Variants in TMCC2 observed in about 807,000 individuals in gnomAD.
TMCC2 encodes transmembrane and coiled-coil domains protein 2.
Under a neutral mutation model 49.4 loss-of-function variants are expected in TMCC2, and 16 were observed. That is an observed-to-expected ratio of 0.32 (90% CI 0.22 to 0.49). The LOEUF is 0.49. TMCC2 is among the 20% of genes least tolerant of loss of function. TMCC2 has a pLI of 0.99. For missense variants in TMCC2, 762 were observed against 989.8 expected, an observed-to-expected ratio of 0.77 and a Z score of 3.09; for synonymous variants, 397 against 434.1, an observed-to-expected ratio of 0.91 and a Z score of 1.06.
In TMCC2 at chr1:205,264,735, G is replaced by T. The variant is rs1212521421; in HGVS notation, c.748-4215G>T. Among the ~76,000 whole-genome samples, 1 of 152,006 alleles carries T rather than the reference G, an allele frequency of 6.6e-6. No individual in the cohort carries two copies. The highest frequency in any genetic ancestry group is 6.6e-5 in the Admixed American group (1 of 15,242). ...TCCAACTCCTAACCTCAGGTGATCC[G>T]CCCGCCTTGGCCTCCCAAAGTGCTG... is the stretch of plus-strand genomic sequence containing the variant. On this transcript the variant is annotated intron_variant, in intron 2 of 4. Transcript: ENST00000358024. This position sits in a 1 kb window ranked among gnomAD's most constrained non-coding sequence, Gnocchi z 4.2.
At position 205,241,499 on chromosome 1, in the gene TMCC2, C is replaced by G. The variant is rs764286771; in HGVS notation, c.208-6C>G. 15 of 1,613,136 alleles carry G rather than the reference C, an allele frequency of 9.3e-6. No individual in the cohort carries two copies. Among genetic ancestry groups the G allele is most frequent in the Non-Finnish European group, 1.3e-5 (15 of 1,179,740 alleles). ...TCACCAGGGTTCTTCATCTCTCCCC[C>G]TTAAGAAAATCCAGCAGCTGTCAGA... On this transcript the variant is annotated splice_region_variant and splice_polypyrimidine_tract_variant and intron_variant, in intron 1 of 4. Coordinates refer to ENST00000358024, the MANE Select transcript of TMCC2 (RefSeq NM_014858.4). This position sits in a 1 kb window ranked among gnomAD's most constrained non-coding sequence, Gnocchi z 7.3.
rs1660289139 is a variant in TMCC2 at position 205,241,998 on chromosome 1, G to A, written c.701G>A (p.Ser234Asn). The change falls in exon 2 of 5, where the codon AGC (serine) becomes AAC (asparagine). Residue 234 changes from serine to asparagine, a missense_variant. Ser to Asn is a conservative substitution (Grantham distance 46). Transcript: ENST00000358024. This position sits in a 1 kb window ranked among gnomAD's most constrained non-coding sequence, Gnocchi z 7.3. ...ACTGCTCTGCTGCTGGCCGACGGCA[G>A]CAACGTGTACCTCCTGGCTGAGGAG... Reference protein sequence around the residue: ...TDTALLLADGSNVYLLAEEAE... With the variant: ...TDTALLLADGNNVYLLAEEAE... 1 of 1,608,358 alleles carries A rather than the reference G, an allele frequency of 6.2e-7. No homozygotes were observed. The highest frequency in any genetic ancestry group is 1.7e-5 in the Admixed American group (1 of 59,704).
At chr1:205,244,155 G>A (rs1280424725) in intron 2 of TMCC2, among the ~76,000 whole-genome samples, 1 of 152,202 alleles carries the variant, frequency 6.6e-6, no homozygotes, top group Non-Finnish European at 1.5e-5. Context: ...AGGCAGGTGT[G>A]TAGCTTGGCT....
At chr1:205,247,267 A>G (rs1163802324) in intron 2 of TMCC2, among the ~76,000 whole-genome samples, 1 of 152,118 alleles carries the variant, frequency 6.6e-6, no homozygotes, top group Non-Finnish European at 1.5e-5. Flanking sequence ...CTGCTTGCCT[A>G]TGGCACCCAG....
intron 2 of TMCC2, among the ~76,000 whole-genome samples, chr1:205,247,844 G>A (rs370647985): frequency 1.4e-5 from 2 of 145,286 alleles, no homozygotes; most frequent in East Asian, 2.2e-4. Flanking sequence ...CAGCCCTGGC[G>A]GGGTTGAGTT....
chr1:205,229,545 CGGGGG>C, intron 1 of TMCC2: 6 of 298,348 alleles, frequency 2.0e-5, no homozygotes, highest in Non-Finnish European at 2.2e-5. Context: ...TGTGAAGGGG[CGGGGG>C]GGGGGGGGTG....
intron 2 of TMCC2, among the ~76,000 whole-genome samples, chr1:205,267,509 T>C (rs1179027066): frequency 1.3e-5 from 2 of 152,046 alleles, no homozygotes; most frequent in Non-Finnish European, 2.9e-5. Flanking sequence ...TAAAAATACA[T>C]GGGGTTGAGC....
At chr1:205,244,705 G>A (rs533127780) in intron 2 of TMCC2, among the ~76,000 whole-genome samples, 2 of 152,296 alleles carry the variant, frequency 1.3e-5, no homozygotes, top group Admixed American at 1.3e-4. Flanking sequence ...TGCTGGGAGG[G>A]CATGTAAGGG....
At chr1:205,258,639 T>C (rs1041533107) in intron 2 of TMCC2, among the ~76,000 whole-genome samples, 11 of 152,200 alleles carry the variant, frequency 7.2e-5, no homozygotes, top group African/African-American at 2.7e-4. Flanking sequence ...ACCGGGCTAT[T>C]CCTGCTGAGT....
chr1:205,269,585 G>A lies in TMCC2; in HGVS notation c.1383G>A (p.Leu461=), dbSNP rs554528515. 6 of 1,613,840 alleles carry A rather than the reference G, an allele frequency of 3.7e-6. No homozygotes were observed. The South Asian group carries it at 6.6e-5, about 18-fold the overall frequency. The change falls in exon 3 of 5, where the codon CTG becomes CTA. Residue 461 remains leucine, a synonymous_variant. Transcript: ENST00000358024. The part of the protein sequence containing the change: ...DGPPEEAARA[L]SGSATLVSSP... ...CCCCTGAGGAGGCAGCCCGGGCACTGAGCGGCAGTGCCACACTCGTCTCCA... is the reference window on the plus strand; with the variant it reads ...CCCCTGAGGAGGCAGCCCGGGCACTAAGCGGCAGTGCCACACTCGTCTCCA...
chr1:205,270,803 C>T (rs1327314225), intron 3 of TMCC2, among the ~76,000 whole-genome samples: 2 of 152,164 alleles, frequency 1.3e-5, no homozygotes, highest in Non-Finnish European at 2.9e-5. Flanking sequence ...CTGCGTGATC[C>T]TAGGCAGGCT....
chr1:205,228,338 C>T lies in TMCC2; in HGVS notation c.-227C>T, dbSNP rs1659653337. 1.1e-5 allele frequency: 5 copies of T among 455,982 alleles called. No homozygotes were observed. The East Asian group carries it at 1.7e-4, about 15-fold the overall frequency. The allele number at this position is 455,982 out of a possible 1,614,324, so 28.2% of individuals were successfully genotyped here. A position where few individuals can be genotyped will look rare whatever the true frequency, so the allele number is the denominator to read the frequency against. Reference sequence around the variant, plus strand: ...CTCGACTGTGACCTGTCTTCGCTCCCCAGGTCGAAATGAACTATTCCAAGC... The same window carrying T: ...CTCGACTGTGACCTGTCTTCGCTCCTCAGGTCGAAATGAACTATTCCAAGC... On this transcript the variant is annotated 5_prime_UTR_variant, in exon 1 of 5. Transcript: ENST00000358024.
chr1:205,243,190 T>G (rs1285350665), intron 2 of TMCC2, among the ~76,000 whole-genome samples: 3 of 152,104 alleles, frequency 2.0e-5, no homozygotes, highest in Admixed American at 6.5e-5. Context: ...TCAAGATCAC[T>G]CTGGCCTACA....
intron 2 of TMCC2, among the ~76,000 whole-genome samples, chr1:205,265,252 T>C (rs1661276593): frequency 6.6e-6 from 1 of 151,882 alleles, no homozygotes; most frequent in Admixed American, 6.6e-5. Flanking sequence ...TTCCCAGGAG[T>C]GTTTCTTCTC....
At chr1:205,251,411 C>A (rs528617700) in intron 2 of TMCC2, among the ~76,000 whole-genome samples, 3 of 152,172 alleles carry the variant, frequency 2.0e-5, no homozygotes, top group Non-Finnish European at 4.4e-5. Context: ...TCTGGGAGTT[C>A]TCACTCTTCC....
Position 205,269,159 on chromosome 1 carries a change from A to G in TMCC2, c.957A>G (p.Lys319=). ...ARDDNVAEYL[K]LANNADKQQV... is the part of the protein sequence containing the mutation. ...ACGACAATGTGGCAGAGTATCTGAA[A>G]CTGGCCAACAACGCGGACAAGCAGC... The change falls in exon 3 of 5, where the codon AAA becomes AAG. Residue 319 remains lysine, a synonymous_variant. Transcript: ENST00000358024. 4.3e-6 allele frequency: 7 copies of G among 1,614,128 alleles called. No individual in the cohort carries two copies. The highest frequency in any genetic ancestry group is 1.3e-5 in the African/African-American group (1 of 75,046).
intron 1 of TMCC2, among the ~76,000 whole-genome samples, chr1:205,240,332 C>T (rs1660216759): frequency 6.6e-6 from 1 of 152,264 alleles, no homozygotes; most frequent in Non-Finnish European, 1.5e-5. Context: ...GCTGGAGAAT[C>T]TCAGCAACAG....
chr1:205,260,249 T>C (rs1234110186), intron 2 of TMCC2, among the ~76,000 whole-genome samples: 2 of 152,202 alleles, frequency 1.3e-5, no homozygotes, highest in Non-Finnish European at 2.9e-5. Flanking sequence ...TGCTGGTGGC[T>C]GGGCATGGAT....
rs1341125050 is a variant in TMCC2, at chr1:205,269,888, G to T, written c.1682+4G>T. On this transcript the variant is annotated splice_donor_region_variant and intron_variant, in intron 3 of 4. Transcript: ENST00000358024. ...GCCTGCAGGAGGAGCGCTACAGGTAGGTGCCTGCCCACCCCCTCCTGCAGC... is the reference window on the plus strand; with the variant it reads ...GCCTGCAGGAGGAGCGCTACAGGTATGTGCCTGCCCACCCCCTCCTGCAGC... 6.2e-7 allele frequency: 1 copy of T among 1,608,434 alleles called. No individual in the cohort carries two copies. The highest frequency in any genetic ancestry group is 8.5e-7 in the Non-Finnish European group (1 of 1,176,490).
Sources: allele counts gnomAD v4.1 joint callset (sites outside exome capture counted in the v4.1 genomes callset), GRCh38; gene constraint gnomAD v4.1.1; non-coding constraint Gnocchi (gnomAD v3.1); transcripts MANE v1.5; gene names NCBI Gene and HGNC (gene_info 2026-07-23, HGNC 2026-07-21).